The following HOXD3 variants were observed in gnomAD, a reference collection of about 807,000 sequenced individuals.
The protein encoded by HOXD3 is homeobox D3.
In HOXD3, 13 loss-of-function variants were observed where a neutral mutation model predicts 32.8. The ratio of observed to expected loss-of-function variants is 0.40; its 90% confidence interval spans 0.26 to 0.63. HOXD3 has a LOEUF of 0.63. Among genes scored for constraint, HOXD3 ranks in the 20% least tolerant of loss-of-function variants. The pLI is 0.44. For synonymous variants in HOXD3, 241 were observed against 246.8 expected, an observed-to-expected ratio of 0.98 and a Z score of 0.22; for missense variants, 504 against 577.1, an observed-to-expected ratio of 0.87 and a Z score of 1.30.
chr2:176,166,078 G>C (rs947565514), intron 2 of HOXD3, among the ~76,000 whole-genome samples: 1 of 152,192 alleles, frequency 6.6e-6, no homozygotes, highest in African/African-American at 2.4e-5. Flanking sequence ...CACCATCACT[G>C]GCTCTTGCTT....
In HOXD3 at chr2:176,172,490, G is replaced by T. The variant is rs567200890; in HGVS notation, c.*216G>T. 33 of 572,032 alleles carry T rather than the reference G, an allele frequency of 5.8e-5. No individual in the cohort carries two copies. The highest frequency in any genetic ancestry group is 8.9e-5 in the Non-Finnish European group (29 of 325,078). The allele number at this position is 572,032 out of a possible 1,614,324, so 35.4% of individuals were successfully genotyped here. ...TGACTCGCCATAAATCAGCCGCAAGGATCCTTCCCTGTAAATTTGACAGTG... is the reference window on the plus strand; with the variant it reads ...TGACTCGCCATAAATCAGCCGCAAGTATCCTTCCCTGTAAATTTGACAGTG... On this transcript the variant is annotated 3_prime_UTR_variant, in exon 4 of 4. Transcript: ENST00000683222.
upstream of HOXD3, among the ~76,000 whole-genome samples, chr2:176,153,433 C>G (rs1402415188): frequency 3.3e-5 from 5 of 152,120 alleles, no homozygotes; most frequent in Non-Finnish European, 1.5e-5. Context: ...TCTGGGTTGT[C>G]TATGGAATTT....
At chr2:176,153,128 GGA>G, upstream of HOXD3, 3 of 499,284 alleles carry the variant, frequency 6.0e-6, no homozygotes, top group East Asian at 6.7e-5. Flanking sequence ...AGCGGGATGG[GGA>G]TGGGAGGGGG....
At chr2:176,154,086 ATCTAGAAG>A (rs1293950181), upstream of HOXD3, among the ~76,000 whole-genome samples, 8 of 152,226 alleles carry the variant, frequency 5.3e-5, no homozygotes, top group East Asian at 1.2e-3. Flanking sequence ...CCCTAATTGA[ATCTAGAAG>A]TCCACAAAAG....
intron 1 of HOXD3, among the ~76,000 whole-genome samples, chr2:176,159,404 A>G (rs538719234): frequency 1.2e-3 from 176 of 151,518 alleles, no homozygotes; most frequent in Non-Finnish European, 2.2e-3. Context: ...GACCTTACCC[A>G]CTCCTCTGGG....
At position 176,169,415 on chromosome 2, in the gene HOXD3, G is replaced by C. The variant is rs747140540; in HGVS notation, c.301G>C (p.Gly101Arg). The C allele has an allele frequency of 1.9e-6, 3 of 1,613,460 alleles. No homozygotes were observed. The African/African-American group carries it at 4.0e-5, about 22-fold the overall frequency. ...GCCGGGCACTGGGAACAGCCAGGGT[G>C]GGGGTGGTGGCAGCCAGCCTCCTGG... is the stretch of plus-strand genomic sequence containing the variant. Reference protein sequence around the residue: ...MRPGTGNSQGGGGGSQPPGLN... With the variant: ...MRPGTGNSQGRGGGSQPPGLN... Residue 101 changes from glycine (G) to arginine (R), a missense_variant, in exon 3 of 4, where the codon GGG becomes CGG. This residue lies in a region of HOXD3 where 181 missense variants were observed against 172.2 expected (regional missense o/e 1.05). Transcript: ENST00000683222.
At chr2:176,158,753 G>A (rs1424663915) in intron 1 of HOXD3, among the ~76,000 whole-genome samples, 1 of 152,148 alleles carries the variant, frequency 6.6e-6, no homozygotes, top group Non-Finnish European at 1.5e-5. Context: ...TGACTCGGGC[G>A]CAGATTCCAG....
At chr2:176,159,088 A>T (rs1454395105) in intron 1 of HOXD3, among the ~76,000 whole-genome samples, 1 of 152,200 alleles carries the variant, frequency 6.6e-6, no homozygotes, top group Non-Finnish European at 1.5e-5. Flanking sequence ...TTGCTCTATG[A>T]ACATATGCTC....
At chr2:176,157,107 C>G (rs1690662032), upstream of HOXD3, among the ~76,000 whole-genome samples, 2 of 152,138 alleles carry the variant, frequency 1.3e-5, no homozygotes, top group African/African-American at 4.8e-5. Flanking sequence ...GCGCTTCCCG[C>G]CCGCCTGCCC....
chr2:176,171,866 C>G lies in HOXD3; in HGVS notation c.891C>G (p.Pro297=), dbSNP rs1479466573. 2 of 1,600,990 alleles carry G rather than the reference C, an allele frequency of 1.2e-6. No homozygotes were observed. Among genetic ancestry groups the G allele is most frequent in the Admixed American group, 3.4e-5 (2 of 58,480 alleles). Residue 297 remains proline, a synonymous_variant, in exon 4 of 4, where the codon CCC becomes CCG. Transcript: ENST00000683222. The stretch of plus-strand genomic sequence containing the variant: ...TGCCCGGCCTGGCCTACGACGCGCC[C>G]TCGCCGCCTGCTTTCGCCAAATCAC... ...PPVPGLAYDA[P]SPPAFAKSQP... is the part of the protein sequence containing the mutation.
Position 176,172,495 on chromosome 2 carries a change from T to G in HOXD3, c.*221T>G. The G allele has an allele frequency of 1.8e-6, 1 of 568,586 alleles. No homozygotes were observed. The highest frequency in any genetic ancestry group is 3.1e-6 in the Non-Finnish European group (1 of 322,848). The allele number at this position is 568,586 out of a possible 1,614,324, so 35.2% of individuals were successfully genotyped here. A position where few individuals can be genotyped will look rare whatever the true frequency, so the allele number is the denominator to read the frequency against. On this transcript the variant is annotated 3_prime_UTR_variant, in exon 4 of 4. Coordinates refer to ENST00000683222, the MANE Select transcript of HOXD3 (RefSeq NM_006898.5). Reference sequence around the variant, plus strand: ...CGCCATAAATCAGCCGCAAGGATCCTTCCCTGTAAATTTGACAGTGCCACA... The same window carrying G: ...CGCCATAAATCAGCCGCAAGGATCCGTCCCTGTAAATTTGACAGTGCCACA...
rs1559141087 is a variant in HOXD3 at position 176,169,386 on chromosome 2, TGCG to T, written c.275_277del (p.Arg92del). ...GGAGCTGAACTCAATGGCAGCTGCA[TGCG>T]GCCGGGCACTGGGAACAGCCAGGGT... On this transcript the variant is annotated inframe_deletion, in exon 3 of 4. Transcript: ENST00000683222. 3 of 1,613,790 alleles carry T rather than the reference TGCG, an allele frequency of 1.9e-6. No homozygotes were observed. The Admixed American group carries it at 5.0e-5, about 27-fold the overall frequency.
intron 1 of HOXD3, among the ~76,000 whole-genome samples, chr2:176,160,127 C>A (rs893213468): frequency 2.6e-5 from 4 of 152,210 alleles, no homozygotes; most frequent in Admixed American, 1.3e-4. Context: ...CACCTTTGGG[C>A]CGGAGCGGGT....
chr2:176,155,411 C>T (rs535060143), upstream of HOXD3, among the ~76,000 whole-genome samples: 1 of 152,288 alleles, frequency 6.6e-6, no homozygotes, highest in South Asian at 2.1e-4. Context: ...AACCCAAGCT[C>T]CTTCTCAAAC....
upstream of HOXD3, among the ~76,000 whole-genome samples, chr2:176,154,948 G>A (rs1454015828): frequency 6.6e-6 from 1 of 152,188 alleles, no homozygotes; most frequent in Non-Finnish European, 1.5e-5. Flanking sequence ...GTATTTTACC[G>A]AAGTTCGGGT....
At chr2:176,170,504 A>G (rs192467788) in intron 3 of HOXD3, among the ~76,000 whole-genome samples, 2 of 152,068 alleles carry the variant, frequency 1.3e-5, no homozygotes, top group Non-Finnish European at 2.9e-5. Context: ...CTCTGCTTAG[A>G]CTGCTTGGTT....
At chr2:176,163,623 T>C (rs1217546483) in intron 1 of HOXD3, among the ~76,000 whole-genome samples, 1 of 152,170 alleles carries the variant, frequency 6.6e-6, no homozygotes, top group Non-Finnish European at 1.5e-5. Flanking sequence ...CCAAGCCTAT[T>C]TACCTTCCTT....
At chr2:176,169,007 G>C in intron 2 of HOXD3, 24 bp from the exon 3 acceptor site, 1 of 1,473,010 alleles carries the variant, frequency 6.8e-7, no homozygotes, top group African/African-American at 1.4e-5. Flanking sequence ...CTCCCTCTGG[G>C]GCCTCTTGCT....
At position 176,169,534 on chromosome 2, in the gene HOXD3, C is replaced by T. The variant is rs992437843; in HGVS notation, c.420C>T (p.Ala140=). Residue 140 remains alanine (A), a synonymous_variant, in exon 3 of 4, where the codon GCC becomes GCT. Coordinates refer to ENST00000683222, the MANE Select transcript of HOXD3 (RefSeq NM_006898.5). ...SPTNPGGGVP[A]KKPKGGPNAS... ...CCAATCCTGGAGGTGGAGTGCCTGC[C>T]AAGAAGCCCAAAGGTGGGCCCAATG... 3.3e-5 allele frequency: 54 copies of T among 1,613,904 alleles called. No homozygotes were observed. The East Asian group carries it at 1.2e-3, about 35-fold the overall frequency.
Sources: allele counts gnomAD v4.1 joint callset (sites outside exome capture counted in the v4.1 genomes callset), GRCh38; gene constraint gnomAD v4.1.1; regional missense constraint gnomAD v4.1.1; transcripts MANE v1.5; gene names NCBI Gene and HGNC (gene_info 2026-07-23, HGNC 2026-07-21).